Variants in VPS37A observed in about 807,000 individuals in gnomAD.
VPS37A encodes vacuolar protein sorting-associated protein 37A.
VPS37A carries 30 observed loss-of-function variants against 49.8 expected under a neutral mutation model. The observed-to-expected ratio is 0.60, with a 90% CI of 0.45 to 0.82. VPS37A has a LOEUF of 0.82. VPS37A is among the 40% of genes least tolerant of loss of function. The pLI is 0.00. For missense variants in VPS37A, 593 were observed against 464.4 expected (o/e 1.28, Z -2.55); for synonymous variants, 195 against 160.6 (o/e 1.21, Z -1.62).
rs928432357 is a variant in VPS37A, at chr8:17,280,017, T to C, written c.714-11T>C. Reference sequence around the variant, plus strand: ...TGATATTTATTGACATTTTTTCTTTTGTGTTTCTAGTGTGTCACAACTCAC... The same window carrying C: ...TGATATTTATTGACATTTTTTCTTTCGTGTTTCTAGTGTGTCACAACTCAC... On this transcript the variant is annotated splice_polypyrimidine_tract_variant and intron_variant, in intron 6 of 11. Transcript: ENST00000324849. 17 of 1,608,028 alleles carry C rather than the reference T, an allele frequency of 1.1e-5. No homozygotes were observed. Among genetic ancestry groups the C allele is most frequent in the Non-Finnish European group, 1.4e-5 (16 of 1,177,368 alleles).
At chr8:17,251,839 C>T (rs1305446886) in intron 1 of VPS37A, among the ~76,000 whole-genome samples, 1 of 152,120 alleles carries the variant, frequency 6.6e-6, no homozygotes, top group Non-Finnish European at 1.5e-5. Context: ...TTCTGATTGC[C>T]TAAATGTTTA....
chr8:17,271,271 C>T (rs1813959517), intron 4 of VPS37A, among the ~76,000 whole-genome samples: 1 of 152,154 alleles, frequency 6.6e-6, no homozygotes, highest in Non-Finnish European at 1.5e-5. Context: ...TTGGTACTTT[C>T]TCTGTCCCTT....
chr8:17,247,113 A>T lies in VPS37A; in HGVS notation c.-132A>T. Reference sequence around the variant, plus strand: ...AGCGCAGGCAGGACAGGCTTAGAGAAGACGCGGTCCCCAGCGCTTGGGCCA... The same window carrying T: ...AGCGCAGGCAGGACAGGCTTAGAGATGACGCGGTCCCCAGCGCTTGGGCCA... On this transcript the variant is annotated 5_prime_UTR_variant, in exon 1 of 12. It adds an upstream start codon to the 5' untranslated region. Coordinates refer to ENST00000324849, the MANE Select transcript of VPS37A (RefSeq NM_152415.3). 8.2e-7 allele frequency: 1 copy of T among 1,216,832 alleles called. No homozygotes were observed. The highest frequency in any genetic ancestry group is 1.1e-6 in the Non-Finnish European group (1 of 869,702). The allele number at this position is 1,216,832 out of a possible 1,614,324, so 75.4% of individuals were successfully genotyped here. A position where few individuals can be genotyped will look rare whatever the true frequency, so the allele number is the denominator to read the frequency against.
chr8:17,313,258 T>A, the VPS37A span: 1 of 1,508,716 alleles, frequency 6.6e-7, no homozygotes, highest in Non-Finnish European at 9.2e-7. Context: ...TTTGCTCATC[T>A]GTCCCTTAAT....
In VPS37A at chr8:17,276,445, T is replaced by C. The variant is rs758656228; in HGVS notation, c.691T>C (p.Phe231Leu). 1 of 1,612,374 alleles carries C rather than the reference T, an allele frequency of 6.2e-7. No homozygotes were observed. Among genetic ancestry groups the C allele is most frequent in the Non-Finnish European group, 8.5e-7 (1 of 1,179,258 alleles). The stretch of plus-strand genomic sequence containing the variant: ...CAAGATGCCAGATGTCCCTGATGCA[T>C]TTCCAGAACTCTCAGAACTAAGGTA... ...GYKMPDVPDA[F>L]PELSELSVSQ... Residue 231 changes from phenylalanine (F) to leucine (L), a missense_variant, in exon 6 of 12, where the codon TTT (phenylalanine) becomes CTT (leucine). Transcript: ENST00000324849.
intron 9 of VPS37A, among the ~76,000 whole-genome samples, 172 bp downstream of exon 9, chr8:17,280,615 A>G (rs1814968078): frequency 6.6e-6 from 1 of 152,004 alleles, no homozygotes; most frequent in Non-Finnish European, 1.5e-5. Context: ...GGCATCATAC[A>G]TTATTTGTGC....
intron 10 of VPS37A, 46 bp downstream of exon 10, chr8:17,284,662 G>A (rs746897266): frequency 2.6e-6 from 4 of 1,540,124 alleles, no homozygotes; most frequent in African/African-American, 2.9e-5. Flanking sequence ...ATAAAGTTTG[G>A]TATTTTTATA....
chr8:17,311,226 T>C, the VPS37A span, among the ~76,000 whole-genome samples: 6 of 152,340 alleles, frequency 3.9e-5, no homozygotes, highest in Middle Eastern at 3.4e-3. Flanking sequence ...ATATATAAAA[T>C]TGGCTTACAA....
the VPS37A span, among the ~76,000 whole-genome samples, chr8:17,315,804 G>T: frequency 6.6e-6 from 1 of 152,076 alleles, no homozygotes; most frequent in African/African-American, 2.4e-5. Context: ...TTGAGTCAAG[G>T]AGTTCAAGAA....
chr8:17,260,129 C>T (rs1019954267), intron 1 of VPS37A, among the ~76,000 whole-genome samples: 5 of 152,070 alleles, frequency 3.3e-5, no homozygotes. Context: ...TCTTAATCTC[C>T]TCTCTTCCTT....
intron 11 of VPS37A, among the ~76,000 whole-genome samples, chr8:17,286,795 C>G (rs970685243): frequency 2.0e-5 from 3 of 152,102 alleles, no homozygotes; most frequent in Non-Finnish European, 4.4e-5. Context: ...GAACTTCCAG[C>G]CAGTCTCTTT....
chr8:17,271,432 C>T (rs1361044331), intron 4 of VPS37A, among the ~76,000 whole-genome samples: 1 of 152,038 alleles, frequency 6.6e-6, no homozygotes, highest in African/African-American at 2.4e-5. Context: ...GGTGAAACCT[C>T]GTCTCTACTA....
At chr8:17,262,229 C>T (rs73551476) in intron 1 of VPS37A, among the ~76,000 whole-genome samples, 3,813 of 152,034 alleles carry the variant, frequency 0.025, 176 homozygotes, top group African/African-American at 0.087. Flanking sequence ...TCTGGGATGT[C>T]GTTGGTGTTA....
Position 17,247,327 on chromosome 8 carries a change from A to G in VPS37A, c.83A>G (p.Gln28Arg). 6.4e-7 allele frequency: 1 copy of G among 1,553,516 alleles called. No individual in the cohort carries two copies. The highest frequency in any genetic ancestry group is 1.2e-5 in the South Asian group (1 of 84,476). The change falls in exon 1 of 12, where the codon CAG (glutamine) becomes CGG (arginine). Residue 28 changes from glutamine to arginine, a missense_variant. Gln to Arg is a conservative substitution (Grantham distance 43). Transcript: ENST00000324849. Reference protein sequence around the residue: ...SPGGLTSLQQQKQRLIESLRN... With the variant: ...SPGGLTSLQQRKQRLIESLRN... ...GGTGGCCTCACCAGCCTCCAGCAGC[A>G]GAAGCAGCGCCTGATCGAGTCCCTC...
At chr8:17,327,488 C>G in the VPS37A span, among the ~76,000 whole-genome samples, 2 of 151,930 alleles carry the variant, frequency 1.3e-5, no homozygotes, top group Admixed American at 6.6e-5. Context: ...ACTGTGTTGC[C>G]CAGGCTGGTC....
intron 1 of VPS37A, among the ~76,000 whole-genome samples, chr8:17,261,675 T>G (rs1305535424): frequency 6.6e-6 from 1 of 152,232 alleles, no homozygotes; most frequent in East Asian, 1.9e-4. Flanking sequence ...AGTGGCACTT[T>G]AAACCCAGGT....
chr8:17,316,464 T>TAA, the VPS37A span, among the ~76,000 whole-genome samples: 4,024 of 143,476 alleles, frequency 0.028, 75 homozygotes, highest in Non-Finnish European at 0.04. Context: ...AACAGTACAG[T>TAA]AAAAAAAAAA....
At chr8:17,257,501 G>A (rs937351562) in intron 1 of VPS37A, among the ~76,000 whole-genome samples, 5 of 152,144 alleles carry the variant, frequency 3.3e-5, no homozygotes, top group African/African-American at 1.2e-4. Context: ...GGGGGCGTTA[G>A]GGGAGGGATA....
intron 4 of VPS37A, among the ~76,000 whole-genome samples, chr8:17,273,915 A>C (rs1461949581): frequency 6.6e-6 from 1 of 152,216 alleles, no homozygotes; most frequent in East Asian, 1.9e-4. Context: ...GCATTACATT[A>C]ATATTTAAAA....
Sources: gnomAD v4.1 joint callset for allele counts (sites outside exome capture counted in the v4.1 genomes callset) on GRCh38, gnomAD v4.1.1 for gene constraint, MANE v1.5 for transcripts, NCBI Gene and HGNC (gene_info 2026-07-23, HGNC 2026-07-21) for gene names.